Variants in TG observed in about 807,000 individuals in gnomAD.
TG encodes thyroglobulin.
TG carries 270 observed loss-of-function variants against 324.7 expected under a neutral mutation model. The ratio of observed to expected loss-of-function variants is 0.83; its 90% confidence interval spans 0.75 to 0.92. The LOEUF is 0.92. Ranked by LOEUF, TG falls within the 40% of genes least tolerant of loss-of-function variation. The probability of loss-of-function intolerance (pLI) is 0.00; values close to 1 mark genes in which losing one functional copy is unlikely to be tolerated. For synonymous variants in TG, 1,401 were observed against 1,327.0 expected (o/e 1.06, Z -1.21); for missense variants, 3,591 against 3,456.4 (o/e 1.04, Z -0.98).
Position 132,887,147 on chromosome 8 carries a change from C to T in TG, c.1775C>T (p.Ala592Val), listed in dbSNP as rs142629621. 2.8e-5 allele frequency: 46 copies of T among 1,614,070 alleles called. No homozygotes were observed. The highest frequency in any genetic ancestry group is 5.0e-5 in the Admixed American group (3 of 60,014). Residue 592 changes from alanine to valine, a missense_variant, in exon 9 of 48, where the codon GCA (alanine) becomes GTA (valine). By Grantham distance (64) the Ala-to-Val change is moderately conservative. Coordinates refer to ENST00000220616, the MANE Select transcript of TG (RefSeq NM_003235.5). ...QHAISVPEDVARDLGDVMETV... is the reference protein window; with the variant it reads ...QHAISVPEDVVRDLGDVMETV... The stretch of plus-strand genomic sequence containing the variant: ...GCTATCTCTGTGCCAGAAGATGTGG[C>T]AAGAGATTTAGGTGATGTGATGGAA...
rs766786085 is a variant in TG, at chr8:133,072,330, C to T, written c.7240-22714C>T. On this transcript the variant is annotated intron_variant, in intron 41 of 47. Coordinates refer to ENST00000220616, the MANE Select transcript of TG (RefSeq NM_003235.5). The stretch of plus-strand genomic sequence containing the variant: ...CTCAGATAGGAGGAAGTGGTTTGAA[C>T]AGAGTGTACTTATTTCCTTCGGAAC... Among the ~76,000 whole-genome samples, 8 of 152,212 alleles carry T rather than the reference C, an allele frequency of 5.3e-5. 1 individual carries two copies. Among genetic ancestry groups the T allele is most frequent in the Admixed American group, 5.2e-4 (8 of 15,278 alleles).
intron 41 of TG, among the ~76,000 whole-genome samples, chr8:133,071,297 A>G (rs1249813338): frequency 6.6e-6 from 1 of 152,182 alleles, no homozygotes; most frequent in African/African-American, 2.4e-5. Flanking sequence ...GAGCATTCAC[A>G]TAATGTGTCG....
intron 41 of TG, among the ~76,000 whole-genome samples, chr8:133,058,071 T>C (rs1352536085): frequency 6.6e-6 from 1 of 152,200 alleles, no homozygotes; most frequent in African/African-American, 2.4e-5. Flanking sequence ...TGAGCAGCCA[T>C]AGGAGCTTGA....
In TG at chr8:133,126,632, A is replaced by G. The variant is rs534061221; in HGVS notation, c.7863-5180A>G. Among the ~76,000 whole-genome samples the G allele has an allele frequency of 1.4e-4, 21 of 152,306 alleles. No homozygotes were observed. The South Asian group carries it at 3.9e-3, about 29-fold the overall frequency. On this transcript the variant is annotated intron_variant, in intron 45 of 47. Transcript: ENST00000220616. Reference sequence around the variant, plus strand: ...AGGGAGCTTATTTTTAAAGGATTGCATAGCAAATTCTCTTGTAAAACACAA... The same window carrying G: ...AGGGAGCTTATTTTTAAAGGATTGCGTAGCAAATTCTCTTGTAAAACACAA...
chr8:133,082,059 G>A (rs1165677737), intron 41 of TG, among the ~76,000 whole-genome samples: 3 of 152,226 alleles, frequency 2.0e-5, no homozygotes, highest in Non-Finnish European at 4.4e-5. Context: ...AGAGATCCTT[G>A]TGAACTCTGT....
intron 40 of TG, among the ~76,000 whole-genome samples, chr8:133,026,066 G>T (rs2130965091): frequency 6.6e-6 from 1 of 152,304 alleles, no homozygotes; most frequent in South Asian, 2.1e-4. Flanking sequence ...CTCTTCCCAG[G>T]CAGGGCTGTG....
Position 132,867,005 on chromosome 8 carries a change from C to T in TG, c.5C>T (p.Ala2Val). M[A>V]LVLEIFTLLA... Reference sequence around the variant, plus strand: ...CTCCCAGGAAGGGCCAGGAAAATGGCCCTGGTCCTGGAGATCTTCACCCTG... The same window carrying T: ...CTCCCAGGAAGGGCCAGGAAAATGGTCCTGGTCCTGGAGATCTTCACCCTG... Residue 2 changes from alanine to valine, a missense_variant, in exon 1 of 48, where the codon GCC becomes GTC. Coordinates refer to ENST00000220616, the MANE Select transcript of TG (RefSeq NM_003235.5). The T allele has an allele frequency of 6.3e-7, 1 of 1,594,818 alleles. No individual in the cohort carries two copies. The highest frequency in any genetic ancestry group is 8.6e-7 in the Non-Finnish European group (1 of 1,169,050).
chr8:132,941,511 C>T lies in TG; in HGVS notation c.5202C>T (p.Cys1734=), dbSNP rs1824437755. The T allele has an allele frequency of 7.4e-6, 12 of 1,614,040 alleles. No homozygotes were observed. The highest frequency in any genetic ancestry group is 4.5e-5 in the East Asian group (2 of 44,894). The stretch of plus-strand genomic sequence containing the variant: ...TTGCATGCGACCGTGATCTGTGTTG[C>T]GATGGCTTCGTCCTCACACAGGTTC... The part of the protein sequence containing the change: ...CLLACDRDLC[C]DGFVLTQVQG... Residue 1734 remains cysteine, a synonymous_variant, in exon 26 of 48, where the codon TGC becomes TGT. Coordinates refer to ENST00000220616, the MANE Select transcript of TG (RefSeq NM_003235.5).
chr8:132,872,708 C>T (rs1263996878), intron 4 of TG, among the ~76,000 whole-genome samples: 2 of 152,048 alleles, frequency 1.3e-5, no homozygotes, highest in Non-Finnish European at 1.5e-5. Flanking sequence ...GTGTACTATT[C>T]TTTATCTTTT....
intron 25 of TG, among the ~76,000 whole-genome samples, chr8:132,936,831 T>C (rs1823678282): frequency 6.6e-6 from 1 of 152,216 alleles, no homozygotes; most frequent in Non-Finnish European, 1.5e-5. Flanking sequence ...ACCTGTGACC[T>C]GTGGTTCCTT....
chr8:132,976,368 G>T (rs1830176037), intron 34 of TG, among the ~76,000 whole-genome samples: 1 of 152,174 alleles, frequency 6.6e-6, no homozygotes, highest in Admixed American at 6.5e-5. Flanking sequence ...TTTTATAATG[G>T]CATTAGTCCC....
At chr8:133,025,859 TG>T (rs1171401329) in intron 40 of TG, among the ~76,000 whole-genome samples, 4 of 152,216 alleles carry the variant, frequency 2.6e-5, no homozygotes. Context: ...CTGAGCAGGA[TG>T]GGGTCTGAGA....
At chr8:133,105,316 G>A (rs960187426) in intron 43 of TG, among the ~76,000 whole-genome samples, 4 of 152,216 alleles carry the variant, frequency 2.6e-5, no homozygotes, top group Non-Finnish European at 5.9e-5. Flanking sequence ...TAGAGGAGAT[G>A]TGCTGTGAAC....
chr8:133,094,243 T>A, intron 41 of TG, among the ~76,000 whole-genome samples: 2 of 14,004 alleles, frequency 1.4e-4, no homozygotes, highest in Non-Finnish European at 2.2e-4. Flanking sequence ...TGTCGTTTTC[T>A]TTTTTTTTTT....
At chr8:132,956,225 T>C (rs762953525) in intron 27 of TG, among the ~76,000 whole-genome samples, 2 of 152,242 alleles carry the variant, frequency 1.3e-5, no homozygotes, top group Admixed American at 1.3e-4. Context: ...ATGTTCTGTG[T>C]TTATTTGGTG....
At chr8:133,004,278 G>A (rs73708813) in intron 35 of TG, among the ~76,000 whole-genome samples, 2,276 of 152,250 alleles carry the variant, frequency 0.015, 40 homozygotes, top group African/African-American at 0.05. Context: ...TATAAGGGCT[G>A]GGAAGGTGCC....
At position 132,969,556 on chromosome 8, in the gene TG, T is replaced by C; in HGVS notation, c.5962T>C (p.Ser1988Pro). 7 of 1,609,094 alleles carry C rather than the reference T, an allele frequency of 4.4e-6. No homozygotes were observed. Among genetic ancestry groups the C allele is most frequent in the Non-Finnish European group, 5.1e-6 (6 of 1,175,568 alleles). Reference protein sequence around the residue: ...IRNKVPMSEKSISNGFFECER... With the variant: ...IRNKVPMSEKPISNGFFECER... The stretch of plus-strand genomic sequence containing the variant: ...AAATAAAGTGCCCATGTCTGAAAAA[T>C]CTATTTCTAATGGGTAAGCTACTTG... The change falls in exon 32 of 48, where the codon TCT becomes CCT. Residue 1988 changes from serine (S) to proline (P), a missense_variant. Physicochemically the swap from Ser to Pro is moderately conservative, Grantham distance 74. Transcript: ENST00000220616.
intron 21 of TG, among the ~76,000 whole-genome samples, chr8:132,920,249 C>G (rs1434456157): frequency 6.6e-6 from 1 of 152,082 alleles, no homozygotes; most frequent in Non-Finnish European, 1.5e-5. Flanking sequence ...GGTTTTTTTC[C>G]TAGCAAGGAC....
chr8:133,083,446 G>A (rs1328411120), intron 41 of TG, among the ~76,000 whole-genome samples: 5 of 152,124 alleles, frequency 3.3e-5, no homozygotes, highest in South Asian at 2.1e-4. Flanking sequence ...GGAAACTAAG[G>A]CACTGGGACT....
Sources: gnomAD v4.1 joint callset for allele counts (sites outside exome capture counted in the v4.1 genomes callset) on GRCh38, gnomAD v4.1.1 for gene constraint, MANE v1.5 for transcripts, NCBI Gene and HGNC (gene_info 2026-07-23, HGNC 2026-07-21) for gene names.